The following ZDHHC15 variants were observed in gnomAD, a reference collection of about 807,000 sequenced individuals.
ZDHHC15 encodes palmitoyltransferase ZDHHC15.
ZDHHC15 carries 19 observed loss-of-function variants against 31.7 expected under a neutral mutation model. The ratio of observed to expected loss-of-function variants is 0.60; its 90% CI spans 0.42 to 0.88. ZDHHC15 has a LOEUF of 0.88. Among genes scored for constraint, ZDHHC15 ranks in the 40% least tolerant of loss-of-function variants. The pLI, the probability that ZDHHC15 is intolerant of heterozygous loss-of-function variation, is 0.00. For missense variants in ZDHHC15, 209 were observed against 251.2 expected, an observed-to-expected ratio of 0.83 and a Z score of 1.14; for synonymous variants, 103 against 90.0, an observed-to-expected ratio of 1.14 and a Z score of -0.82.
intron 2 of ZDHHC15, among the ~76,000 whole-genome samples, chrX:75,491,599 C>T (rs143117762): frequency 0.081 from 8,869 of 108,877 alleles, 389 homozygotes; most frequent in Non-Finnish European, 0.12. Context: ...ACATTGTGCA[C>T]GTGTACCTTA....
At chrX:75,434,839 G>T (rs2083829214) in intron 4 of ZDHHC15, among the ~76,000 whole-genome samples, 1 of 111,738 alleles carries the variant, frequency 8.9e-6, no homozygotes, top group Non-Finnish European at 1.9e-5. Context: ...AGTTTCACAT[G>T]AATTTTAGAA....
intron 4 of ZDHHC15, among the ~76,000 whole-genome samples, chrX:75,440,268 C>CT (rs938412607): frequency 6.6e-5 from 4 of 60,710 alleles, no homozygotes; most frequent in African/African-American, 4.2e-5. Flanking sequence ...TTCTTTTTTT[C>CT]TTTTTTCTTT....
intron 2 of ZDHHC15, among the ~76,000 whole-genome samples, chrX:75,489,236 G>A (rs1458737695): frequency 8.9e-6 from 1 of 111,982 alleles, no homozygotes; most frequent in Non-Finnish European, 1.9e-5. Context: ...CAGCTTTGAA[G>A]AGAGTAGTGG....
chrX:75,517,419 G>A (rs1226361382), intron 1 of ZDHHC15, among the ~76,000 whole-genome samples: 1 of 109,842 alleles, frequency 9.1e-6, no homozygotes, highest in Admixed American at 9.7e-5. Context: ...AAAAAAGGAT[G>A]AGTTCATGTC....
chrX:75,441,862 A>G (rs1343565402), intron 4 of ZDHHC15, among the ~76,000 whole-genome samples: 1 of 109,935 alleles, frequency 9.1e-6, no homozygotes, highest in Non-Finnish European at 1.9e-5. Context: ...TGATCTCGTG[A>G]TCCACCCACC....
chrX:75,507,317 T>C (rs1457320886), intron 1 of ZDHHC15, among the ~76,000 whole-genome samples: 1 of 111,433 alleles, frequency 9.0e-6, no homozygotes, highest in Non-Finnish European at 1.9e-5. Flanking sequence ...TTGTAAAGTC[T>C]TTATTACCTC....
chrX:75,388,043 T>C (rs1358786016), intron 10 of ZDHHC15, among the ~76,000 whole-genome samples: 1 of 111,906 alleles, frequency 8.9e-6, no homozygotes. Flanking sequence ...TTCAAACTAC[T>C]GAGGGGCAGG....
Position 75,379,203 on chromosome X carries a change from A to T in ZDHHC15, c.968-5T>A. 1 of 1,210,880 alleles carries T rather than the reference A, an allele frequency of 8.3e-7. No homozygotes were observed. The highest frequency in any genetic ancestry group is 1.1e-6 in the Non-Finnish European group (1 of 894,965). On this transcript the variant is annotated splice_region_variant and splice_polypyrimidine_tract_variant and intron_variant, in intron 10 of 11. Coordinates refer to ENST00000373367, the MANE Select transcript of ZDHHC15 (RefSeq NM_144969.3). ...ATGATGAGCCTTCTGGATAATCTGC[A>T]AGGTTGAAACGTGAAGATGATCAAA...
chrX:75,451,227 G>T (rs1053314176), intron 3 of ZDHHC15, among the ~76,000 whole-genome samples: 5 of 111,887 alleles, frequency 4.5e-5, no homozygotes, highest in Non-Finnish European at 9.4e-5. Flanking sequence ...CAATTCATCT[G>T]ATTTCAAGAC....
At chrX:75,499,895 A>C (rs2085064261) in intron 2 of ZDHHC15, among the ~76,000 whole-genome samples, 2 of 112,178 alleles carry the variant, frequency 1.8e-5, no homozygotes, top group Admixed American at 1.9e-4. Context: ...CCAAATGCTC[A>C]TCAACCAATG....
At chrX:75,452,808 G>T (rs1445203079) in intron 3 of ZDHHC15, among the ~76,000 whole-genome samples, 2 of 111,895 alleles carry the variant, frequency 1.8e-5, no homozygotes, top group Non-Finnish European at 3.8e-5. Flanking sequence ...AATGGAGGCA[G>T]AAATAAAGAT....
At chrX:75,423,533 T>G (rs979162715) in intron 8 of ZDHHC15, among the ~76,000 whole-genome samples, 2 of 104,072 alleles carry the variant, frequency 1.9e-5, no homozygotes, top group African/African-American at 7.1e-5. Context: ...ATCTCGTTCT[T>G]TGTTATGGCT....
chrX:75,370,824 G>T lies in ZDHHC15; in HGVS notation c.*2154C>A, dbSNP rs1276873924. 7 of 111,755 alleles carry T rather than the reference G, an allele frequency of 6.3e-5. 1 individual carries two copies. In the Admixed American group the frequency reaches 6.7e-4, roughly 11 times the overall value. The allele number at this position is 111,755 out of a possible 1,213,427, so 9.2% of individuals were successfully genotyped here. On this transcript the variant is annotated 3_prime_UTR_variant, in exon 12 of 12. Coordinates refer to ENST00000373367, the MANE Select transcript of ZDHHC15 (RefSeq NM_144969.3). ...TGGGATTACAGGTGTGAGCCACTGC[G>T]CCCAGCCTTATTTGGCCTTTTAAAG...
At chrX:75,408,061 C>G (rs780031573) in intron 10 of ZDHHC15, among the ~76,000 whole-genome samples, 1 of 110,252 alleles carries the variant, frequency 9.1e-6, no homozygotes, top group African/African-American at 3.3e-5. Context: ...TACCCAGGGA[C>G]ACAAACACTG....
chrX:75,453,099 G>GT (rs1381976249), intron 3 of ZDHHC15, among the ~76,000 whole-genome samples: 1 of 111,260 alleles, frequency 9.0e-6, no homozygotes, highest in African/African-American at 3.3e-5. Context: ...CCAGGAGCTG[G>GT]TTTTTTTGAA....
rs1260439048 is a variant in ZDHHC15 at position 75,384,778 on chromosome X, G to A, written c.968-5580C>T. Reference sequence around the variant, plus strand: ...AGAAGCACACTTTGTGAGAACCAATGGGAAGGAGCCTGAGCTGCTGGAACC... The same window carrying A: ...AGAAGCACACTTTGTGAGAACCAATAGGAAGGAGCCTGAGCTGCTGGAACC... On this transcript the variant is annotated intron_variant, in intron 10 of 11. Coordinates refer to ENST00000373367, the MANE Select transcript of ZDHHC15 (RefSeq NM_144969.3). 3 of 975,507 alleles carry A rather than the reference G, an allele frequency of 3.1e-6. No homozygotes were observed. The East Asian group carries it at 9.2e-5, about 30-fold the overall frequency. The allele number at this position is 975,507 out of a possible 1,213,427, so 80.4% of individuals were successfully genotyped here. A position where few individuals can be genotyped will look rare whatever the true frequency, so the allele number is the denominator to read the frequency against.
intron 3 of ZDHHC15, among the ~76,000 whole-genome samples, chrX:75,462,944 G>T (rs1416058895): frequency 9.9e-5 from 11 of 110,759 alleles, no homozygotes; most frequent in African/African-American, 3.6e-4. Context: ...AGGAGACAGA[G>T]ACATGAAAAA....
At chrX:75,455,468 C>T (rs1180713936) in intron 3 of ZDHHC15, among the ~76,000 whole-genome samples, 1 of 111,600 alleles carries the variant, frequency 9.0e-6, no homozygotes, top group Non-Finnish European at 1.9e-5. Context: ...GCAAGGACTT[C>T]GTGACTAAAA....
intron 3 of ZDHHC15, among the ~76,000 whole-genome samples, chrX:75,476,258 T>C (rs764431962): frequency 9.0e-6 from 1 of 111,342 alleles, no homozygotes; most frequent in East Asian, 2.8e-4. Context: ...CTTATTTTTT[T>C]TTTTAAGAAA....
Sources: gnomAD v4.1 joint callset for allele counts (sites outside exome capture counted in the v4.1 genomes callset) on GRCh38, gnomAD v4.1.1 for gene constraint, MANE v1.5 for transcripts, NCBI Gene and HGNC (gene_info 2026-07-23, HGNC 2026-07-21) for gene names.